GSE1: variants seen among roughly 807,000 people sequenced by gnomAD.
The protein encoded by GSE1 is Gse1 coiled-coil protein.
In GSE1, 32 loss-of-function variants were observed where a neutral mutation model predicts 112.6. That is an observed-to-expected ratio of 0.28 (90% confidence interval 0.21 to 0.38). The LOEUF (loss-of-function observed/expected upper bound fraction) is 0.38, where lower values mean the gene tolerates loss of function less well. Among genes scored for constraint, GSE1 ranks in the 10% least tolerant of loss-of-function variants. The pLI is 1.00. For synonymous variants in GSE1, 1,115 were observed against 735.6 expected (o/e 1.52, Z -8.35); for missense variants, 2,348 against 1,699.2 (o/e 1.38, Z -6.71).
chr16:85,438,288 A>C (rs2049299374), intron 2 of GSE1, among the ~76,000 whole-genome samples: 1 of 152,146 alleles, frequency 6.6e-6, no homozygotes, highest in Non-Finnish European at 1.5e-5. Context: ...GGACCTTGCA[A>C]GGCCATGCGG....
At chr16:85,247,260 T>C (rs375726159) in intron 1 of GSE1, among the ~76,000 whole-genome samples, 1 of 152,312 alleles carries the variant, frequency 6.6e-6, no homozygotes, top group African/African-American at 2.4e-5. Context: ...CCCCAGCACC[T>C]AGAAAAGACC....
Position 85,613,376 on chromosome 16 carries a change from G to A in GSE1, c.-16G>A. The A allele has an allele frequency of 6.4e-7, 1 of 1,569,376 alleles. No homozygotes were observed. Among genetic ancestry groups the A allele is most frequent in the Non-Finnish European group, 8.6e-7 (1 of 1,158,234 alleles). ...TCCAGCATGTATCAGCCGAGGTGGA[G>A]CTGCGGGGCCCTGGCATGAAAGGTG... On this transcript the variant is annotated 5_prime_UTR_variant, in exon 1 of 16. Transcript: ENST00000253458.
intron 2 of GSE1, among the ~76,000 whole-genome samples, chr16:85,444,576 G>A (rs1453214953): frequency 2.0e-5 from 3 of 152,144 alleles, no homozygotes; most frequent in African/African-American, 4.8e-5. Flanking sequence ...CAAAGGTCAC[G>A]GCCTGCCAGC....
intron 9 of GSE1, among the ~76,000 whole-genome samples, chr16:85,662,028 C>G (rs975921974): frequency 6.6e-6 from 1 of 152,202 alleles, no homozygotes. Context: ...GAAGATAGTT[C>G]CGCAGACAAG....
intron 1 of GSE1, among the ~76,000 whole-genome samples, chr16:85,174,458 G>T (rs2143177781): frequency 6.6e-6 from 1 of 152,344 alleles, no homozygotes. Context: ...TCAGCTCTCA[G>T]CTCCCAGGGA....
intron 1 of GSE1, among the ~76,000 whole-genome samples, chr16:85,560,017 G>T (rs182517801): frequency 1.3e-5 from 2 of 151,996 alleles, no homozygotes; most frequent in South Asian, 2.1e-4. Context: ...TGAAGTTAGC[G>T]CTTGTCGAGT....
intron 1 of GSE1, among the ~76,000 whole-genome samples, chr16:85,277,389 C>G (rs1324924395): frequency 6.6e-6 from 1 of 152,164 alleles, no homozygotes; most frequent in Non-Finnish European, 1.5e-5. Flanking sequence ...GTGCCAGAAC[C>G]CACCCCTGAA....
intron 11 of GSE1, 45 bp from the exon 12 acceptor site, chr16:85,664,970 A>T (rs1271288046): frequency 1.6e-6 from 2 of 1,275,460 alleles, no homozygotes; most frequent in South Asian, 1.2e-5. Context: ...TCTCTCCAAA[A>T]AATGATGCAA....
At chr16:85,434,302 G>C (rs1388830975) in intron 2 of GSE1, among the ~76,000 whole-genome samples, 1 of 119,974 alleles carries the variant, frequency 8.3e-6, no homozygotes, top group Non-Finnish European at 1.7e-5. Flanking sequence ...CACTAGGATG[G>C]TGGTCTAATA....
intron 1 of GSE1, among the ~76,000 whole-genome samples, chr16:85,201,544 CG>C (rs1283081105): frequency 6.6e-6 from 1 of 151,414 alleles, no homozygotes; most frequent in Non-Finnish European, 1.5e-5. Context: ...CCCAGCTACT[CG>C]GGAGGCTAAG....
At chr16:85,335,248 C>A (rs578110938) in intron 1 of GSE1, among the ~76,000 whole-genome samples, 1 of 152,226 alleles carries the variant, frequency 6.6e-6, no homozygotes, top group East Asian at 1.9e-4. Flanking sequence ...CGGGGGTGAG[C>A]GGCCCTGAGT....
intron 2 of GSE1, among the ~76,000 whole-genome samples, chr16:85,385,447 G>A (rs1192694527): frequency 1.3e-5 from 2 of 152,180 alleles, no homozygotes; most frequent in Admixed American, 6.5e-5. Context: ...CAGAGACCGG[G>A]CTGGGTGGGA....
chr16:85,489,644 G>A (rs1357097483), intron 2 of GSE1, among the ~76,000 whole-genome samples: 2 of 152,146 alleles, frequency 1.3e-5, no homozygotes, highest in East Asian at 1.9e-4. Flanking sequence ...TTCACAAGAG[G>A]ATGGGCTCTT....
chr16:85,330,252 G>C (rs577691770), intron 1 of GSE1, among the ~76,000 whole-genome samples: 1 of 152,328 alleles, frequency 6.6e-6, no homozygotes, highest in South Asian at 2.1e-4. Context: ...CCTTAGAAGA[G>C]GGTGATGGAA....
At chr16:85,207,429 C>T (rs1450708070) in intron 1 of GSE1, among the ~76,000 whole-genome samples, 1 of 152,244 alleles carries the variant, frequency 6.6e-6, no homozygotes, top group African/African-American at 2.4e-5. Context: ...CCGTGCCGGC[C>T]CCCGGGTGAT....
At chr16:85,645,407 C>T (rs1197071864) in intron 2 of GSE1, among the ~76,000 whole-genome samples, 2 of 152,120 alleles carry the variant, frequency 1.3e-5, no homozygotes, top group South Asian at 2.1e-4. Context: ...CTGCCCTATC[C>T]AGTTGTGCAG....
At chr16:85,380,325 C>T (rs773684649) in intron 2 of GSE1, among the ~76,000 whole-genome samples, 14 of 152,166 alleles carry the variant, frequency 9.2e-5, no homozygotes, top group Non-Finnish European at 2.1e-4. Context: ...CAGAGGGAGA[C>T]AAGTCCAAGA....
At chr16:85,215,796 C>G (rs1255687198) in intron 1 of GSE1, among the ~76,000 whole-genome samples, 2 of 152,142 alleles carry the variant, frequency 1.3e-5, no homozygotes, top group African/African-American at 4.8e-5. Context: ...GTTAAGCTGG[C>G]TTTGGAGGGC....
chr16:85,390,468 G>T (rs1028064788), intron 2 of GSE1, among the ~76,000 whole-genome samples: 1 of 152,132 alleles, frequency 6.6e-6, no homozygotes, highest in Non-Finnish European at 1.5e-5. Context: ...AGCTAGCTTC[G>T]TGTCCCTCCA....
Sources: gnomAD v4.1 joint callset for allele counts (sites outside exome capture counted in the v4.1 genomes callset) on GRCh38, gnomAD v4.1.1 for gene constraint, MANE v1.5 for transcripts, NCBI Gene and HGNC (gene_info 2026-07-23, HGNC 2026-07-21) for gene names.